CPLANE1: variants seen among roughly 807,000 people sequenced by gnomAD.
CPLANE1 encodes ciliogenesis and planar polarity effector 1.
CPLANE1 carries 263 observed loss-of-function variants against 362.5 expected under a neutral mutation model. The observed-to-expected ratio is 0.73, with a 90% CI of 0.66 to 0.80. The LOEUF (loss-of-function observed/expected upper bound fraction) is 0.80, where lower values mean the gene tolerates loss of function less well. Among genes scored for constraint, CPLANE1 ranks in the 30% least tolerant of loss-of-function variants. The pLI, the probability that CPLANE1 is intolerant of heterozygous loss-of-function variation, is 0.00. For synonymous variants in CPLANE1, 1,212 were observed against 1,302.6 expected, an observed-to-expected ratio of 0.93 and a Z score of 1.50; for missense variants, 3,461 against 3,793.4, an observed-to-expected ratio of 0.91 and a Z score of 2.30.
intron 46 of CPLANE1, among the ~76,000 whole-genome samples, chr5:37,136,457 T>C (rs1042937710): frequency 1.4e-4 from 21 of 152,190 alleles, no homozygotes; most frequent in Non-Finnish European, 5.9e-5. Context: ...ACAGCCAGCA[T>C]TGTCTGTGAC....
At position 37,169,260 on chromosome 5, in the gene CPLANE1, G is replaced by C. The variant is rs764413026; in HGVS notation, c.6764C>G (p.Pro2255Arg). 3 of 1,614,162 alleles carry C rather than the reference G, an allele frequency of 1.9e-6. No individual in the cohort carries two copies. Among genetic ancestry groups the C allele is most frequent in the Non-Finnish European group, 2.5e-6 (3 of 1,180,034 alleles). ...SIPQVPFRPL[P>R]QPREAWGLSD... ...TAATCCCCAAGCCTCTCTTGGTTGT[G>C]GCAAAGGCCTGAAGGGAACTTGTGG... Residue 2255 changes from proline (P) to arginine (R), a missense_variant, in exon 34 of 53, where the codon CCA becomes CGA. Coordinates refer to ENST00000651892, the MANE Select transcript of CPLANE1 (RefSeq NM_001384732.1).
chr5:37,112,291 T>A (rs1759583148), intron 51 of CPLANE1, among the ~76,000 whole-genome samples: 1 of 152,212 alleles, frequency 6.6e-6, no homozygotes, highest in Non-Finnish European at 1.5e-5. Flanking sequence ...TATCACTGGG[T>A]TTCTCTCACC....
At chr5:37,180,246 T>TG (rs1782292050) in intron 27 of CPLANE1, 63 bp from the exon 28 acceptor site, 8 of 1,188,438 alleles carry the variant, frequency 6.7e-6, no homozygotes, top group Non-Finnish European at 8.9e-6. Context: ...AATTCAGTTT[T>TG]GGGTTTTTTT....
chr5:37,159,427 A>C (rs890180380), intron 38 of CPLANE1, among the ~76,000 whole-genome samples: 1 of 152,220 alleles, frequency 6.6e-6, no homozygotes, highest in Non-Finnish European at 1.5e-5. Flanking sequence ...ACATTCTTTA[A>C]AAGGGTATCA....
intron 41 of CPLANE1, among the ~76,000 whole-genome samples, chr5:37,155,453 C>A (rs1165232484): frequency 6.6e-6 from 1 of 152,156 alleles, no homozygotes; most frequent in African/African-American, 2.4e-5. Context: ...TGGTTTACTG[C>A]AACCTCTGCC....
downstream of CPLANE1, among the ~76,000 whole-genome samples, chr5:37,104,985 C>G (rs1051332028): frequency 1.3e-5 from 2 of 152,088 alleles, no homozygotes; most frequent in African/African-American, 4.8e-5. Context: ...TATAAAAACA[C>G]AGACCAATAG....
At chr5:37,245,000 A>C (rs1739040891) in intron 4 of CPLANE1, among the ~76,000 whole-genome samples, 2 of 151,902 alleles carry the variant, frequency 1.3e-5, no homozygotes, top group African/African-American at 4.8e-5. Flanking sequence ...AAATACAAAA[A>C]AATTAGCCGG....
At chr5:37,107,836 A>G in intron 52 of CPLANE1, 58 bp from the exon 53 acceptor site, 1 of 1,472,826 alleles carries the variant, frequency 6.8e-7, no homozygotes, top group East Asian at 2.5e-5. Flanking sequence ...AAAAAAACAA[A>G]AACAAAAAAA....
intron 16 of CPLANE1, among the ~76,000 whole-genome samples, chr5:37,208,834 T>C (rs989605803): frequency 6.6e-6 from 1 of 152,078 alleles, no homozygotes; most frequent in African/African-American, 2.4e-5. Flanking sequence ...ATCTTGTTTA[T>C]ATATTTAAAT....
At chr5:37,170,514 A>C (rs1158383099) in intron 32 of CPLANE1, among the ~76,000 whole-genome samples, 183 bp from the exon 33 acceptor site, 2 of 152,056 alleles carry the variant, frequency 1.3e-5, no homozygotes, top group Non-Finnish European at 2.9e-5. Context: ...AGAGGAAAAA[A>C]ATGATAACTT....
chr5:37,125,399 A>C lies in CPLANE1; in HGVS notation c.8803T>G (p.Tyr2935Asp), dbSNP rs1449414767. The change falls in exon 47 of 53, where the codon TAT becomes GAT. Residue 2935 changes from tyrosine to aspartate, a missense_variant. Coordinates refer to ENST00000651892, the MANE Select transcript of CPLANE1 (RefSeq NM_001384732.1). ...QAMGTSRIQH[Y>D]SGRHSQRTDK... ...GTTCTTTGTGAATGTCTGCCAGAAT[A>C]ATGCTGAATTCTGAGAAATTTAACA... is the stretch of plus-strand genomic sequence containing the variant. The C allele has an allele frequency of 1.9e-6, 3 of 1,612,486 alleles. No homozygotes were observed. Among genetic ancestry groups the C allele is most frequent in the Non-Finnish European group, 2.5e-6 (3 of 1,179,798 alleles).
At chr5:37,156,783 A>G (rs1317032748) in intron 41 of CPLANE1, among the ~76,000 whole-genome samples, 1 of 152,196 alleles carries the variant, frequency 6.6e-6, no homozygotes, top group Non-Finnish European at 1.5e-5. Context: ...TGAGGACTAC[A>G]AGACAGAGAA....
At chr5:37,098,171 A>C in the CPLANE1 span, among the ~76,000 whole-genome samples, 1 of 151,884 alleles carries the variant, frequency 6.6e-6, no homozygotes, top group African/African-American at 2.4e-5. Flanking sequence ...AGGCGGGTGG[A>C]TCACAAGATC....
chr5:37,160,126 A>G (rs564232953), intron 38 of CPLANE1, among the ~76,000 whole-genome samples: 118 of 152,328 alleles, frequency 7.7e-4, no homozygotes, highest in Non-Finnish European at 1.5e-3. Context: ...TTTTATTATT[A>G]TTTATATCTT....
Position 37,173,777 on chromosome 5 carries a change from T to C in CPLANE1, c.6149A>G (p.Asp2050Gly). Residue 2050 changes from aspartate (D) to glycine (G), a missense_variant, in exon 32 of 53, where the codon GAT becomes GGT. Physicochemically the swap from Asp to Gly is moderately conservative, Grantham distance 94 (BLOSUM62 -1). Around this residue, in one of 2 missense-constraint regions of CPLANE1, gnomAD observed 3,380 missense variants for 3,666.1 expected, o/e 0.92. Coordinates refer to ENST00000651892, the MANE Select transcript of CPLANE1 (RefSeq NM_001384732.1). The stretch of plus-strand genomic sequence containing the variant: ...TACCTGAACTAATTTAAACATTTCA[T>C]CTTGCAGCATCTGCCTAACGGACTC... ...CSESVRQMLQ[D>G]EMFKLVQLQQ... 1 of 1,614,162 alleles carries C rather than the reference T, an allele frequency of 6.2e-7. No homozygotes were observed. The highest frequency in any genetic ancestry group is 1.1e-5 in the South Asian group (1 of 91,086).
At chr5:37,088,785 G>GGGTCCC in the CPLANE1 span, among the ~76,000 whole-genome samples, 3 of 152,054 alleles carry the variant, frequency 2.0e-5, no homozygotes, top group Admixed American at 2.0e-4. Flanking sequence ...GACCCTAAAA[G>GGGTCCC]GGTTGCAACC....
At chr5:37,176,607 TC>T (rs1781219299) in intron 30 of CPLANE1, among the ~76,000 whole-genome samples, 1 of 152,188 alleles carries the variant, frequency 6.6e-6, no homozygotes, top group Non-Finnish European at 1.5e-5. Flanking sequence ...CTCTCTCTCT[TC>T]TTGGGTAATT....
intron 16 of CPLANE1, chr5:37,211,197 C>G: frequency 7.1e-7 from 1 of 1,414,340 alleles, no homozygotes; most frequent in Admixed American, 1.7e-5. Flanking sequence ...CACAAATTAT[C>G]CAAATGCAGG....
chr5:37,101,361 A>C (rs1282703336), downstream of CPLANE1, among the ~76,000 whole-genome samples: 3 of 152,120 alleles, frequency 2.0e-5, no homozygotes, highest in African/African-American at 7.2e-5. Context: ...CAAGATAATC[A>C]TGTGGTTTGT....
Sources: gnomAD v4.1 joint callset for allele counts (sites outside exome capture counted in the v4.1 genomes callset) on GRCh38, gnomAD v4.1.1 for gene constraint, gnomAD v4.1.1 regional missense constraint, MANE v1.5 for transcripts, NCBI Gene and HGNC (gene_info 2026-07-23, HGNC 2026-07-21) for gene names.